The following PDE11A variants were observed in gnomAD, a reference collection of about 807,000 sequenced individuals.
The protein encoded by PDE11A is phosphodiesterase 11A.
A neutral mutation model predicts 100.5 loss-of-function variants in PDE11A; 100 were observed. The observed-to-expected ratio is 1.00, with a 90% CI of 0.85 to 1.18. The LOEUF is 1.18. PDE11A is among the 50% of genes most tolerant of loss of function. The probability of loss-of-function intolerance (pLI) is 0.00; values close to 1 mark genes in which losing one functional copy is unlikely to be tolerated. For synonymous variants in PDE11A, 381 were observed against 420.8 expected, an observed-to-expected ratio of 0.91 and a Z score of 1.16; for missense variants, 1,141 against 1,152.6, an observed-to-expected ratio of 0.99 and a Z score of 0.15.
intron 9 of PDE11A, among the ~76,000 whole-genome samples, chr2:177,808,152 T>A (rs2105564773): frequency 6.6e-6 from 1 of 152,320 alleles, no homozygotes; most frequent in East Asian, 1.9e-4. Context: ...TCTTGAAAGA[T>A]CTAATTTGTA....
At chr2:177,827,773 G>T (rs1474964438) in intron 6 of PDE11A, among the ~76,000 whole-genome samples, 1 of 152,208 alleles carries the variant, frequency 6.6e-6, no homozygotes, top group Non-Finnish European at 1.5e-5. Context: ...AGGACAGAAT[G>T]ATTGTAATGG....
intron 1 of PDE11A, among the ~76,000 whole-genome samples, chr2:178,031,493 A>C (rs902505789): frequency 1.1e-4 from 16 of 152,334 alleles, no homozygotes; most frequent in Admixed American, 1.0e-3. Context: ...ACACAAAAGT[A>C]AATTGCATTT....
At position 177,925,396 on chromosome 2, in the gene PDE11A, T is replaced by C. The variant is rs1290900727; in HGVS notation, c.1072-20209A>G. ...CCACATCCTCTCCAGCACCTGTTGT[T>C]TCCTGACTTTTTAATGATTGCCATT... On this transcript the variant is annotated intron_variant, in intron 2 of 19. Coordinates refer to ENST00000286063, the MANE Select transcript of PDE11A (RefSeq NM_016953.4). Among the ~76,000 whole-genome samples the C allele has an allele frequency of 2.0e-5, 3 of 151,716 alleles. No homozygotes were observed. The South Asian group carries it at 6.3e-4, about 32-fold the overall frequency.
chr2:177,937,227 C>A (rs1051856584), intron 2 of PDE11A, among the ~76,000 whole-genome samples: 14 of 152,004 alleles, frequency 9.2e-5, no homozygotes, highest in African/African-American at 3.4e-4. Context: ...GTCACTCTAC[C>A]TCTAATGCAC....
At chr2:178,049,704 T>C (rs545704456) in intron 1 of PDE11A, among the ~76,000 whole-genome samples, 2 of 152,246 alleles carry the variant, frequency 1.3e-5, no homozygotes, top group East Asian at 3.9e-4. Context: ...GGAGATTACA[T>C]CCCATGCCTG....
rs143541134 is a variant in PDE11A, at chr2:178,051,704, G to T, written c.912+19822C>A. On this transcript the variant is annotated intron_variant, in intron 1 of 19. Coordinates refer to ENST00000286063, the MANE Select transcript of PDE11A (RefSeq NM_016953.4). The stretch of plus-strand genomic sequence containing the variant: ...AAAACAACGACAAAAAAAAGCAGGG[G>T]TTGCAATCCTAGTCTCTGATAAAAC... Among the ~76,000 whole-genome samples, 1,434 of 152,218 alleles carry T rather than the reference G, an allele frequency of 9.4e-3. 28 individuals carry two copies. Among genetic ancestry groups the T allele is most frequent in the African/African-American group, 0.033 (1,377 of 41,530 alleles).
chr2:178,079,329 C>A (rs555465074), intron 2 of PDE11A, among the ~76,000 whole-genome samples: 1 of 151,976 alleles, frequency 6.6e-6, no homozygotes, highest in Non-Finnish European at 1.5e-5. Flanking sequence ...TGTTGTTCCC[C>A]ACCTCCCCAT....
At chr2:177,953,841 A>G (rs1322377880) in intron 2 of PDE11A, among the ~76,000 whole-genome samples, 1 of 152,136 alleles carries the variant, frequency 6.6e-6, no homozygotes, top group Non-Finnish European at 1.5e-5. Flanking sequence ...AAGTGCCCAG[A>G]TTGCCAGAGA....
At chr2:177,972,474 T>A (rs1171369796) in intron 2 of PDE11A, among the ~76,000 whole-genome samples, 1 of 152,002 alleles carries the variant, frequency 6.6e-6, no homozygotes, top group Non-Finnish European at 1.5e-5. Context: ...TGAAAATGGA[T>A]GGAGTGGCCA....
chr2:177,670,896 G>A (rs1042685084), intron 17 of PDE11A, among the ~76,000 whole-genome samples: 2 of 151,996 alleles, frequency 1.3e-5, no homozygotes, highest in Admixed American at 1.3e-4. Flanking sequence ...AAAACTAGTT[G>A]GAACTGACTG....
chr2:177,756,450 C>A (rs571842910), intron 10 of PDE11A, among the ~76,000 whole-genome samples: 44 of 152,320 alleles, frequency 2.9e-4, no homozygotes, highest in Admixed American at 1.7e-3. Flanking sequence ...AATTCTAAAT[C>A]TTTTCTGTTG....
chr2:177,789,846 C>T (rs1384262977), intron 9 of PDE11A, among the ~76,000 whole-genome samples: 5 of 152,026 alleles, frequency 3.3e-5, no homozygotes, highest in Non-Finnish European at 1.5e-5. Context: ...TGTGAAAGAC[C>T]TCTTCAAGGA....
chr2:177,746,791 G>A (rs1428968494), intron 10 of PDE11A, among the ~76,000 whole-genome samples: 2 of 152,230 alleles, frequency 1.3e-5, no homozygotes, highest in African/African-American at 4.8e-5. Flanking sequence ...CAGAGACTCT[G>A]AGGGTGAGAG....
chr2:177,663,249 A>G (rs1186099850), intron 19 of PDE11A, among the ~76,000 whole-genome samples: 1 of 152,226 alleles, frequency 6.6e-6, no homozygotes, highest in Admixed American at 6.5e-5. Context: ...ACCAAGTAGC[A>G]GAGCTGGAAA....
upstream of PDE11A, among the ~76,000 whole-genome samples, chr2:178,077,456 T>A (rs924160522): frequency 6.6e-6 from 1 of 152,190 alleles, no homozygotes; most frequent in Admixed American, 6.5e-5. Context: ...ATCCAGTATA[T>A]TTTACTGCAG....
intron 9 of PDE11A, among the ~76,000 whole-genome samples, chr2:177,800,184 T>C (rs1329081373): frequency 1.5e-3 from 8 of 5,184 alleles, no homozygotes; most frequent in African/African-American, 3.6e-3. Flanking sequence ...AAAATTTTTC[T>C]TTTTTTTTTT....
At chr2:177,933,468 G>T (rs575417860) in intron 2 of PDE11A, among the ~76,000 whole-genome samples, 13 of 152,226 alleles carry the variant, frequency 8.5e-5, no homozygotes, top group African/African-American at 1.9e-4. Flanking sequence ...ATCACCTGAG[G>T]TCAGGAGTTC....
At chr2:178,021,307 T>C (rs952601331) in intron 1 of PDE11A, among the ~76,000 whole-genome samples, 1 of 152,158 alleles carries the variant, frequency 6.6e-6, no homozygotes, top group African/African-American at 2.4e-5. Flanking sequence ...TCTTAGGACA[T>C]GCTTTGTCTG....
At chr2:177,667,893 G>A (rs2080613723) in intron 18 of PDE11A, among the ~76,000 whole-genome samples, 1 of 152,106 alleles carries the variant, frequency 6.6e-6, no homozygotes, top group African/African-American at 2.4e-5. Context: ...TGACTCCTGG[G>A]ACCATGATAC....
Sources: gnomAD v4.1 joint callset for allele counts (sites outside exome capture counted in the v4.1 genomes callset) on GRCh38, gnomAD v4.1.1 for gene constraint, MANE v1.5 for transcripts, NCBI Gene and HGNC (gene_info 2026-07-23, HGNC 2026-07-21) for gene names.